Variants in POU6F2 observed in about 807,000 individuals in gnomAD.
POU6F2 encodes the protein POU class 6 homeobox 2.
POU6F2 carries 31 observed loss-of-function variants against 71.3 expected under a neutral mutation model. The ratio of observed to expected loss-of-function variants is 0.43; its 90% CI spans 0.33 to 0.59. POU6F2 has a LOEUF of 0.59. POU6F2 is among the 20% of genes least tolerant of loss of function. The pLI, the probability that POU6F2 is intolerant of heterozygous loss-of-function variation, is 0.04. For missense variants in POU6F2, 783 were observed against 856.8 expected (o/e 0.91, Z 1.07); for synonymous variants, 347 against 355.7 (o/e 0.98, Z 0.27).
At chr7:39,219,578 A>G (rs1284950488) in intron 4 of POU6F2, among the ~76,000 whole-genome samples, 1 of 152,186 alleles carries the variant, frequency 6.6e-6, no homozygotes, top group East Asian at 1.9e-4. Flanking sequence ...ATTTTCTGAA[A>G]CAATTTCCCT....
At chr7:39,119,034 G>T (rs1378199532) in intron 2 of POU6F2, among the ~76,000 whole-genome samples, 1 of 152,170 alleles carries the variant, frequency 6.6e-6, no homozygotes, top group Non-Finnish European at 1.5e-5. Context: ...CCTATGTACT[G>T]CTTCTTGGGA....
At chr7:39,127,575 AAGAAAAATAAAGCAGTGTGAAGAACTGG>A (rs1217206767) in intron 2 of POU6F2, among the ~76,000 whole-genome samples, 18 of 152,274 alleles carry the variant, frequency 1.2e-4, no homozygotes, top group Middle Eastern at 6.8e-3. Context: ...AAGGGCTATG[AAGAAAAATAAAGCAGTGTGAAGAACTGG>A]AGCGTGATGG....
intron 1 of POU6F2, among the ~76,000 whole-genome samples, chr7:39,046,031 T>C (rs1790284962): frequency 6.6e-6 from 1 of 151,888 alleles, no homozygotes; most frequent in Non-Finnish European, 1.5e-5. Flanking sequence ...AGAAAACTGT[T>C]AAACAGTTTT....
intron 1 of POU6F2, among the ~76,000 whole-genome samples, chr7:39,007,942 T>A (rs1271237478): frequency 6.6e-6 from 1 of 151,304 alleles, no homozygotes; most frequent in African/African-American, 2.4e-5. Flanking sequence ...GACATTTGAG[T>A]TGGTTCCAAG....
chr7:39,441,825 C>T (rs1788413526), intron 7 of POU6F2, among the ~76,000 whole-genome samples: 1 of 152,106 alleles, frequency 6.6e-6, no homozygotes, highest in South Asian at 2.1e-4. Flanking sequence ...CTGGAGTGTA[C>T]ACTAACAAAA....
At chr7:39,160,360 C>T (rs529102357) in intron 2 of POU6F2, among the ~76,000 whole-genome samples, 3 of 152,234 alleles carry the variant, frequency 2.0e-5, no homozygotes, top group Non-Finnish European at 2.9e-5. Flanking sequence ...CCCTCCAGTC[C>T]GTCTTGTACT....
In POU6F2 at chr7:39,036,327, G is replaced by A. The variant is rs571057827; in HGVS notation, c.106-49533G>A. On this transcript the variant is annotated intron_variant, in intron 1 of 9. Transcript: ENST00000518318. ...CCAAACAACTCAGAAATAAGCTACCGAAAATAGTCTTTTAGAATATGCTTC... is the reference window on the plus strand; with the variant it reads ...CCAAACAACTCAGAAATAAGCTACCAAAAATAGTCTTTTAGAATATGCTTC... 1.1e-3 allele frequency among the ~76,000 whole-genome samples: 170 copies of A among 152,154 alleles called. 1 individual carries two copies. The highest frequency in any genetic ancestry group is 2.2e-3 in the Non-Finnish European group (147 of 68,006).
chr7:39,372,855 G>A (rs905743837), intron 5 of POU6F2, among the ~76,000 whole-genome samples: 1 of 152,188 alleles, frequency 6.6e-6, no homozygotes, highest in African/African-American at 2.4e-5. Flanking sequence ...GCCAGATTCG[G>A]CCCATGAGCA....
intron 7 of POU6F2, among the ~76,000 whole-genome samples, chr7:39,439,487 T>G (rs1048567929): frequency 6.6e-6 from 1 of 152,190 alleles, no homozygotes; most frequent in African/African-American, 2.4e-5. Context: ...TTTTGGTTTT[T>G]GTTTTTGTTT....
chr7:39,238,358 A>G (rs1282186625), intron 4 of POU6F2, among the ~76,000 whole-genome samples: 1 of 152,118 alleles, frequency 6.6e-6, no homozygotes, highest in Non-Finnish European at 1.5e-5. Flanking sequence ...CTTACCAGAA[A>G]GCAAAGTCAT....
At chr7:39,094,331 C>A (rs78433802) in intron 2 of POU6F2, among the ~76,000 whole-genome samples, 1,682 of 152,202 alleles carry the variant, frequency 0.011, 23 homozygotes, top group Non-Finnish European at 0.018. Flanking sequence ...CTAGGGAAGA[C>A]TCTTGGGATC....
At chr7:38,998,490 C>T (rs940762915) in intron 1 of POU6F2, among the ~76,000 whole-genome samples, 1 of 152,158 alleles carries the variant, frequency 6.6e-6, no homozygotes, top group East Asian at 1.9e-4. Flanking sequence ...TATATGTAGA[C>T]GTACAAATAT....
intron 1 of POU6F2, among the ~76,000 whole-genome samples, chr7:38,998,946 G>T (rs908434061): frequency 6.6e-6 from 1 of 151,782 alleles, no homozygotes; most frequent in Admixed American, 6.6e-5. Context: ...TTACAGGCGT[G>T]AGCCACTGCA....
intron 4 of POU6F2, among the ~76,000 whole-genome samples, chr7:39,306,470 C>T (rs1001823942): frequency 2.0e-5 from 3 of 152,190 alleles, no homozygotes; most frequent in Non-Finnish European, 4.4e-5. Context: ...CAGATTTAAA[C>T]ATAGATCTCC....
chr7:39,160,487 A>G (rs1023241738), intron 2 of POU6F2, among the ~76,000 whole-genome samples: 7 of 152,106 alleles, frequency 4.6e-5, no homozygotes, highest in Admixed American at 3.3e-4. Context: ...CCACTCATCT[A>G]TGACAAACAC....
At chr7:39,007,002 C>A in intron 1 of POU6F2, 1 of 820,866 alleles carries the variant, frequency 1.2e-6, no homozygotes, top group Non-Finnish European at 2.0e-6. Flanking sequence ...TTCCCTTATG[C>A]TCTGATGTGC....
At chr7:39,083,304 A>C (rs1161132379) in intron 1 of POU6F2, among the ~76,000 whole-genome samples, 3 of 152,216 alleles carry the variant, frequency 2.0e-5, no homozygotes, top group Non-Finnish European at 4.4e-5. Flanking sequence ...TGCTCAGATG[A>C]GCAGTACAGT....
intron 5 of POU6F2, among the ~76,000 whole-genome samples, chr7:39,381,497 C>T (rs1295964628): frequency 1.3e-5 from 2 of 152,110 alleles, no homozygotes. Context: ...CCACCTCGGC[C>T]TCCCAAAGTG....
chr7:39,395,369 G>A (rs188584119), intron 5 of POU6F2, among the ~76,000 whole-genome samples: 2 of 152,218 alleles, frequency 1.3e-5, no homozygotes, highest in East Asian at 1.9e-4. Context: ...TGAGAAGCCT[G>A]TTCCTCTCAC....
Sources: allele counts gnomAD v4.1 joint callset (sites outside exome capture counted in the v4.1 genomes callset), GRCh38; gene constraint gnomAD v4.1.1; transcripts MANE v1.5; gene names NCBI Gene and HGNC (gene_info 2026-07-23, HGNC 2026-07-21).